TMOD1: variants seen among roughly 807,000 people sequenced by gnomAD.
TMOD1 encodes the protein tropomodulin 1.
TMOD1 carries 17 observed loss-of-function variants against 40.6 expected under a neutral mutation model. The observed-to-expected ratio is 0.42, with a 90% CI of 0.29 to 0.63. TMOD1 has a LOEUF of 0.63. Ranked by LOEUF, TMOD1 falls within the 20% of genes least tolerant of loss-of-function variation. TMOD1 has a pLI of 0.22. For missense variants in TMOD1, 391 were observed against 447.6 expected (o/e 0.87, Z 1.14); for synonymous variants, 181 against 175.0 (o/e 1.03, Z -0.27).
intron 1 of TMOD1, among the ~76,000 whole-genome samples, chr9:97,518,375 C>T (rs914329110): frequency 1.3e-5 from 2 of 152,258 alleles, no homozygotes; most frequent in African/African-American, 4.8e-5. Flanking sequence ...CGAGCCAGCC[C>T]TGCTGACCCT....
intron 8 of TMOD1, among the ~76,000 whole-genome samples, chr9:97,590,371 C>T (rs1399323163): frequency 1.3e-5 from 2 of 151,930 alleles, no homozygotes; most frequent in South Asian, 2.1e-4. Flanking sequence ...CTACAGGTGC[C>T]CGCCATCACA....
chr9:97,598,554 C>G lies in TMOD1; in HGVS notation c.1016-1080C>G, dbSNP rs143706738. 5.3e-3 allele frequency among the ~76,000 whole-genome samples: 811 copies of G among 152,292 alleles called. 7 individuals carry two copies. Among genetic ancestry groups the G allele is most frequent in the Non-Finnish European group, 6.7e-3 (459 of 68,024 alleles). ...CTTAAAAGTCTGGTTCATGTAAACT[C>G]TTTGGTCACGTTGAGCAAACCTCTT... On this transcript the variant is annotated intron_variant, in intron 9 of 9. Transcript: ENST00000259365.
chr9:97,520,608 G>A (rs1362747468), intron 1 of TMOD1, among the ~76,000 whole-genome samples: 2 of 152,138 alleles, frequency 1.3e-5, no homozygotes, highest in East Asian at 1.9e-4. Flanking sequence ...TTCATGTTGT[G>A]CCTCATCACT....
chr9:97,550,497 T>C (rs752321796), intron 3 of TMOD1, among the ~76,000 whole-genome samples: 1 of 152,240 alleles, frequency 6.6e-6, no homozygotes, highest in Non-Finnish European at 1.5e-5. Context: ...ATCAGCAATG[T>C]ACGAGGGCTC....
chr9:97,567,622 C>G (rs758064400), intron 7 of TMOD1, among the ~76,000 whole-genome samples: 1 of 152,166 alleles, frequency 6.6e-6, no homozygotes, highest in Non-Finnish European at 1.5e-5. Context: ...TTAAGCCAGG[C>G]CAGGCCTTTC....
At chr9:97,596,430 T>C (rs1180545515) in intron 9 of TMOD1, among the ~76,000 whole-genome samples, 2 of 152,152 alleles carry the variant, frequency 1.3e-5, no homozygotes, top group Non-Finnish European at 2.9e-5. Context: ...GCACTTACTG[T>C]GTGTTAGAGA....
intron 4 of TMOD1, among the ~76,000 whole-genome samples, chr9:97,560,109 A>G (rs1334857024): frequency 6.7e-6 from 1 of 148,818 alleles, no homozygotes; most frequent in Non-Finnish European, 1.5e-5. Context: ...TCTAACAGGA[A>G]ACCATATCTA....
rs955058235 is a variant in TMOD1 at position 97,576,833 on chromosome 9, G to T, written c.870+7796G>T. ...TTTTGTATTTTTTAGTAGAGACCGGGTTTCACCATGTTAGCCAGGATGGTC... is the reference window on the plus strand; with the variant it reads ...TTTTGTATTTTTTAGTAGAGACCGGTTTTCACCATGTTAGCCAGGATGGTC... On this transcript the variant is annotated intron_variant, in intron 8 of 9. Transcript: ENST00000259365. Among the ~76,000 whole-genome samples, 18 of 151,866 alleles carry T rather than the reference G, an allele frequency of 1.2e-4. 1 individual carries two copies. The highest frequency in any genetic ancestry group is 8.8e-5 in the Non-Finnish European group (6 of 67,988).
rs546754145 is a variant in TMOD1 at position 97,601,483 on chromosome 9, A to G, written c.*1785A>G. On this transcript the variant is annotated 3_prime_UTR_variant, in exon 10 of 10. Transcript: ENST00000259365. ...AGTAAGTGCTGGGGAAAGCAGAGCT[A>G]TCAGAGGAAATCTCTCATAGAAACG... 2.3e-5 allele frequency: 23 copies of G among 992,974 alleles called. No homozygotes were observed. Among genetic ancestry groups the G allele is most frequent in the African/African-American group, 5.2e-5 (3 of 57,500 alleles). The allele number at this position is 992,974 out of a possible 1,614,324, so 61.5% of individuals were successfully genotyped here. A position where few individuals can be genotyped will look rare whatever the true frequency, so the allele number is the denominator to read the frequency against.
At chr9:97,586,607 G>C (rs909926204) in intron 8 of TMOD1, among the ~76,000 whole-genome samples, 5 of 151,404 alleles carry the variant, frequency 3.3e-5, no homozygotes, top group Non-Finnish European at 7.4e-5. Flanking sequence ...CCCCAGCCTC[G>C]CTGCCGCCTT....
chr9:97,591,787 C>T (rs931766244), intron 9 of TMOD1, among the ~76,000 whole-genome samples: 2 of 152,132 alleles, frequency 1.3e-5, no homozygotes, highest in African/African-American at 4.8e-5. Context: ...GAACTCATAG[C>T]GTCCTCTCCA....
chr9:97,600,739 G>A lies in TMOD1; in HGVS notation c.*1041G>A, dbSNP rs1826239035. The A allele has an allele frequency of 2.0e-6, 2 of 1,007,322 alleles. No individual in the cohort carries two copies. Among genetic ancestry groups the A allele is most frequent in the South Asian group, 8.1e-5 (2 of 24,784 alleles). The allele number at this position is 1,007,322 out of a possible 1,614,324, so 62.4% of individuals were successfully genotyped here. Reference sequence around the variant, plus strand: ...TGGTGAAGAAACTCCAGATATCAAGGAATTGGGAAATCCTGGCCAAACCAC... The same window carrying A: ...TGGTGAAGAAACTCCAGATATCAAGAAATTGGGAAATCCTGGCCAAACCAC... On this transcript the variant is annotated 3_prime_UTR_variant, in exon 10 of 10. Coordinates refer to ENST00000259365, the MANE Select transcript of TMOD1 (RefSeq NM_003275.4).
intron 3 of TMOD1, 56 bp downstream of exon 3, chr9:97,546,397 G>A (rs878877492): frequency 1.1e-5 from 17 of 1,563,546 alleles, no homozygotes; most frequent in African/African-American, 4.1e-5. Context: ...ATTGAGTGCC[G>A]ACTGTATGCC....
intron 1 of TMOD1, among the ~76,000 whole-genome samples, chr9:97,520,729 C>T (rs772089086): frequency 6.6e-6 from 1 of 152,134 alleles, no homozygotes; most frequent in Non-Finnish European, 1.5e-5. Context: ...ATTAACTTTC[C>T]TGGGTGCAGT....
chr9:97,558,591 G>T (rs1203068140), intron 4 of TMOD1, among the ~76,000 whole-genome samples: 2 of 152,114 alleles, frequency 1.3e-5, no homozygotes, highest in East Asian at 3.9e-4. Context: ...TCACGGGCGT[G>T]TGCCACCATG....
intron 2 of TMOD1, among the ~76,000 whole-genome samples, chr9:97,533,271 C>T (rs143034779): frequency 8.1e-4 from 124 of 152,334 alleles, no homozygotes; most frequent in African/African-American, 2.9e-3. Context: ...TAGACACATA[C>T]ACAAACATAT....
chr9:97,521,418 TG>T (rs1015599820), intron 1 of TMOD1, among the ~76,000 whole-genome samples: 43 of 152,320 alleles, frequency 2.8e-4, no homozygotes, highest in African/African-American at 9.1e-4. Flanking sequence ...AAGGCAGTTC[TG>T]GACATCTCTG....
chr9:97,525,261 T>C (rs1829994399), intron 2 of TMOD1, among the ~76,000 whole-genome samples: 1 of 152,196 alleles, frequency 6.6e-6, no homozygotes, highest in Non-Finnish European at 1.5e-5. Context: ...ACTTAAATCC[T>C]ATTATACAAA....
intron 8 of TMOD1, among the ~76,000 whole-genome samples, chr9:97,574,040 G>C (rs375529852): frequency 6.6e-6 from 1 of 152,194 alleles, no homozygotes. Flanking sequence ...CTGTAACTGA[G>C]AGGTGACAGC....
Sources: allele counts gnomAD v4.1 joint callset (sites outside exome capture counted in the v4.1 genomes callset), GRCh38; gene constraint gnomAD v4.1.1; transcripts MANE v1.5; gene names NCBI Gene and HGNC (gene_info 2026-07-23, HGNC 2026-07-21).